Variants in COPB1 observed in about 807,000 individuals in gnomAD.
The protein encoded by COPB1 is coat protein complex I subunit beta 1.
A neutral mutation model predicts 108.7 loss-of-function variants in COPB1; 21 were observed. The ratio of observed to expected loss-of-function variants is 0.19; its 90% CI spans 0.14 to 0.28. The LOEUF (loss-of-function observed/expected upper bound fraction) is 0.28, where lower values mean the gene tolerates loss of function less well. Among genes scored for constraint, COPB1 ranks in the 10% least tolerant of loss-of-function variants. The pLI, the probability that COPB1 is intolerant of heterozygous loss-of-function variation, is 1.00. For missense variants in COPB1, 919 were observed against 1,141.3 expected, an observed-to-expected ratio of 0.81 and a Z score of 2.81; for synonymous variants, 378 against 386.8, an observed-to-expected ratio of 0.98 and a Z score of 0.27.
intron 16 of COPB1, 50 bp from the exon 17 acceptor site, chr11:14,466,476 C>T: frequency 6.4e-7 from 1 of 1,566,004 alleles, no homozygotes; most frequent in Non-Finnish European, 8.7e-7. Context: ...GCAATTTCAC[C>T]AAACATACCC....
In COPB1 at chr11:14,457,766, A is replaced by G; in HGVS notation, c.*58T>C. 9.6e-7 allele frequency: 1 copy of G among 1,039,208 alleles called. No individual in the cohort carries two copies. The highest frequency in any genetic ancestry group is 1.3e-5 in the South Asian group (1 of 77,350). The allele number at this position is 1,039,208 out of a possible 1,614,324, so 64.4% of individuals were successfully genotyped here. A position where few individuals can be genotyped will look rare whatever the true frequency, so the allele number is the denominator to read the frequency against. ...CATGAAAGAGTACAAAAGATGTTGGAGTCCAGTAAGCCCATACCTAAATTA... is the reference window on the plus strand; with the variant it reads ...CATGAAAGAGTACAAAAGATGTTGGGGTCCAGTAAGCCCATACCTAAATTA... On this transcript the variant is annotated 3_prime_UTR_variant, in exon 22 of 22. Transcript: ENST00000439561.
Position 14,469,428 on chromosome 11 carries a change from G to C in COPB1, c.1873C>G (p.Pro625Ala). 2 of 1,614,136 alleles carry C rather than the reference G, an allele frequency of 1.2e-6. No individual in the cohort carries two copies. The highest frequency in any genetic ancestry group is 1.7e-6 in the Non-Finnish European group (2 of 1,180,000). Residue 625 changes from proline (P) to alanine (A), a missense_variant, in exon 15 of 22, where the codon CCT becomes GCT. Around this residue, in one of 5 missense-constraint regions of COPB1, gnomAD observed 705 missense variants for 817.8 expected, o/e 0.86. Transcript: ENST00000439561. ...TTATTGAAAATGTCATTCATTAAAG[G>C]TGAACATTCAGACAAGACCTTGAGG... ...LCLKVLSECS[P>A]LMNDIFNKEC...
chr11:14,460,320 A>G, intron 19 of COPB1, 23 bp from the exon 20 acceptor site: 1 of 1,434,980 alleles, frequency 7.0e-7, no homozygotes, highest in East Asian at 2.3e-5. Flanking sequence ...AAAAAAAGTC[A>G]AGGAGATCAT....
rs1025390987 is a variant in COPB1, at chr11:14,488,516, C to T, written c.675G>A (p.Leu225=). 1 of 1,605,958 alleles carries T rather than the reference C, an allele frequency of 6.2e-7. No individual in the cohort carries two copies. The highest frequency in any genetic ancestry group is 1.7e-5 in the Admixed American group (1 of 59,834). ...QVQTFGDILQ[L]VIVELIYKVC... ...CCTTATAAATCAGTTCAACAATAACCAGCTGCAGAATGTCTCCAAATGTTT... is the reference window on the plus strand; with the variant it reads ...CCTTATAAATCAGTTCAACAATAACTAGCTGCAGAATGTCTCCAAATGTTT... The change falls in exon 6 of 22, where the codon CTG becomes CTA. Residue 225 remains leucine (L), a synonymous_variant. Transcript: ENST00000439561.
chr11:14,497,032 A>G (rs1030639834), intron 2 of COPB1, among the ~76,000 whole-genome samples: 6 of 152,210 alleles, frequency 3.9e-5, no homozygotes, highest in African/African-American at 1.2e-4. Context: ...TTACACAAAA[A>G]TAAAATCAAA....
chr11:14,468,642 C>T (rs755667230), intron 16 of COPB1, 39 bp downstream of exon 16: 11 of 1,581,360 alleles, frequency 7.0e-6, no homozygotes, highest in Admixed American at 7.0e-5. Context: ...CTTAAGGAGT[C>T]GATTTAAATA....
rs1019739001 is a variant in COPB1 at position 14,480,616 on chromosome 11, G to A, written c.1212+143C>T. 5.5e-6 allele frequency: 4 copies of A among 733,152 alleles called. No homozygotes were observed. The African/African-American group carries it at 7.2e-5, about 13-fold the overall frequency. The allele number at this position is 733,152 out of a possible 1,614,324, so 45.4% of individuals were successfully genotyped here. A position where few individuals can be genotyped will look rare whatever the true frequency, so the allele number is the denominator to read the frequency against. ...AGTCCTCACCCTTCTGAGTTTAAAG[G>A]TAGAGGTAGATATAAAGATCACTTC... is the stretch of plus-strand genomic sequence containing the variant. On this transcript the variant is annotated intron_variant, in intron 10 of 21. Transcript: ENST00000439561.
chr11:14,482,913 C>T, intron 8 of COPB1, 119 bp downstream of exon 8: 4 of 882,040 alleles, frequency 4.5e-6, no homozygotes, highest in Non-Finnish European at 6.5e-6. Context: ...TTTAGCTGAT[C>T]AAAATATAAA....
intron 14 of COPB1, among the ~76,000 whole-genome samples, chr11:14,470,122 G>A (rs1411935596): frequency 6.6e-6 from 1 of 152,038 alleles, no homozygotes; most frequent in Non-Finnish European, 1.5e-5. Flanking sequence ...TCCCTAAATT[G>A]TCTTAAAATG....
chr11:14,458,264 C>T lies in COPB1; in HGVS notation c.2802+268G>A, dbSNP rs1456102211. On this transcript the variant is annotated intron_variant, in intron 21 of 21. Coordinates refer to ENST00000439561, the MANE Select transcript of COPB1 (RefSeq NM_001144061.2). The stretch of plus-strand genomic sequence containing the variant: ...CCCAGCTAATTAGTCACTAGATTTA[C>T]ACCTTGGCTTTCAAAAAATTCTAGA... Among the ~76,000 whole-genome samples the T allele has an allele frequency of 2.6e-5, 4 of 151,758 alleles. No homozygotes were observed. In the East Asian group the frequency reaches 7.7e-4, roughly 29 times the overall value.
chr11:14,496,192 G>A (rs1426093057), intron 2 of COPB1, among the ~76,000 whole-genome samples: 1 of 152,048 alleles, frequency 6.6e-6, no homozygotes, highest in Non-Finnish European at 1.5e-5. Flanking sequence ...ATATTTATCA[G>A]TTTAAGTTGT....
At chr11:14,478,126 G>C (rs1302473640) in intron 11 of COPB1, among the ~76,000 whole-genome samples, 1 of 151,976 alleles carries the variant, frequency 6.6e-6, no homozygotes, top group Non-Finnish European at 1.5e-5. Context: ...AAATCACAAA[G>C]ATTAAAAGTA....
chr11:14,499,587 G>GCACCCC (rs1466323591), intron 1 of COPB1, 120 bp downstream of exon 1: 1 of 19,266 alleles, frequency 5.2e-5, no homozygotes, highest in East Asian at 1.6e-3. Context: ...ACCCCGACCC[G>GCACCCC]CACCCCCACC....
chr11:14,487,430 G>A (rs2575855), intron 6 of COPB1, among the ~76,000 whole-genome samples: 101,458 of 152,002 alleles, frequency 0.67, 34,080 homozygotes, highest in African/African-American at 0.71. Flanking sequence ...TAATCTCAGC[G>A]CTTTGGGAGG....
chr11:14,470,444 T>A (rs933568724), intron 14 of COPB1, among the ~76,000 whole-genome samples: 2 of 152,228 alleles, frequency 1.3e-5, no homozygotes, highest in African/African-American at 4.8e-5. Flanking sequence ...TAAATACCTT[T>A]AATGAATGTC....
intron 18 of COPB1, 72 bp from the exon 19 acceptor site, chr11:14,461,403 A>G: frequency 6.7e-7 from 1 of 1,482,776 alleles, no homozygotes; most frequent in East Asian, 2.4e-5. Context: ...TAATATCCAA[A>G]TATCCAAAGA....
At chr11:14,483,247 CA>C in intron 7 of COPB1, 96 bp from the exon 8 acceptor site, 1 of 668,072 alleles carries the variant, frequency 1.5e-6, no homozygotes, top group Non-Finnish European at 2.3e-6. Context: ...CACACACACA[CA>C]CACACACACA....
At chr11:14,486,235 A>T in intron 7 of COPB1, 132 bp downstream of exon 7, 1 of 1,083,910 alleles carries the variant, frequency 9.2e-7, no homozygotes, top group South Asian at 1.5e-5. Context: ...TAAGGCATCA[A>T]ATAATTTTAT....
chr11:14,488,604 AT>A lies in COPB1; in HGVS notation c.607-21del. ...TCGATCCTAAAAAAAATAAGAATATATTTATCATTCTCCACCTCATTCAATA... is the reference window on the plus strand; with the variant it reads ...TCGATCCTAAAAAAAATAAGAATATATTATCATTCTCCACCTCATTCAATA... On this transcript the variant is annotated intron_variant, in intron 5 of 21. Transcript: ENST00000439561. The A allele has an allele frequency of 6.6e-7, 1 of 1,522,668 alleles. No individual in the cohort carries two copies. 94.3% of individuals were successfully genotyped at this position (1,522,668 alleles called of 1,614,324 possible). A position where few individuals can be genotyped will look rare whatever the true frequency, so the allele number is the denominator to read the frequency against.
Sources: allele counts gnomAD v4.1 joint callset (sites outside exome capture counted in the v4.1 genomes callset), GRCh38; gene constraint gnomAD v4.1.1; regional missense constraint gnomAD v4.1.1; transcripts MANE v1.5; gene names NCBI Gene and HGNC (gene_info 2026-07-23, HGNC 2026-07-21).